MED13: variants seen among roughly 807,000 people sequenced by gnomAD.
MED13 encodes the protein mediator complex subunit 13.
MED13 carries 23 observed loss-of-function variants against 225.2 expected under a neutral mutation model. The observed-to-expected ratio is 0.10, with a 90% CI of 0.07 to 0.14. MED13 has a LOEUF of 0.14. MED13 is among the 10% of genes least tolerant of loss of function. The pLI, the probability that MED13 is intolerant of heterozygous loss-of-function variation, is 1.00. For missense variants in MED13, 2,197 were observed against 2,594.5 expected, an observed-to-expected ratio of 0.85 and a Z score of 3.33; for synonymous variants, 942 against 889.2, an observed-to-expected ratio of 1.06 and a Z score of -1.06.
At chr17:61,974,800 A>G (rs772598434) in intron 16 of MED13, among the ~76,000 whole-genome samples, 1 of 152,192 alleles carries the variant, frequency 6.6e-6, no homozygotes, top group Non-Finnish European at 1.5e-5. Context: ...AGATCTAAAT[A>G]TAAGAGCTAA....
chr17:62,048,043 C>CATATACATAT (rs776069700), intron 3 of MED13, among the ~76,000 whole-genome samples: 1,737 of 130,450 alleles, frequency 0.013, 15 homozygotes, highest in Non-Finnish European at 0.019. Context: ...TATACATATA[C>CATATACATAT]ATATATATAT....
In MED13 at chr17:61,984,281, T is replaced by G; in HGVS notation, c.2778A>C (p.Gln926His). The change falls in exon 15 of 30, where the codon CAA (glutamine) becomes CAC (histidine). Residue 926 changes from glutamine (Q) to histidine (H), a missense_variant. Physicochemically the swap from Gln to His is conservative, Grantham distance 24. Around this residue, in one of 12 missense-constraint regions of MED13, gnomAD observed 160 missense variants for 184.8 expected, o/e 0.87. Coordinates refer to ENST00000397786, the MANE Select transcript of MED13 (RefSeq NM_005121.3). The stretch of plus-strand genomic sequence containing the variant: ...CTGGCAATTTGATAGGGGGCAGATA[T>G]TGGCTTGGTAGAGTTTTTAGAGGTG... ...MFAPLKTLPS[Q>H]YLPPIKLPEE... The G allele has an allele frequency of 6.2e-7, 1 of 1,611,992 alleles. No individual in the cohort carries two copies. The highest frequency in any genetic ancestry group is 8.5e-7 in the Non-Finnish European group (1 of 1,179,158).
intron 8 of MED13, among the ~76,000 whole-genome samples, chr17:62,016,252 C>G (rs1046226504): frequency 4.6e-5 from 7 of 151,028 alleles, no homozygotes; most frequent in Non-Finnish European, 8.8e-5. Context: ...ATGCTGTTGC[C>G]CAGGCTGGAA....
At chr17:62,001,367 T>C (rs2080393183) in intron 9 of MED13, among the ~76,000 whole-genome samples, 1 of 152,180 alleles carries the variant, frequency 6.6e-6, no homozygotes, top group Non-Finnish European at 1.5e-5. Flanking sequence ...TCACATCACT[T>C]TCTATATGAG....
chr17:62,024,313 T>C (rs2080678779), intron 8 of MED13, among the ~76,000 whole-genome samples: 1 of 152,218 alleles, frequency 6.6e-6, no homozygotes, highest in Non-Finnish European at 1.5e-5. Flanking sequence ...CCACTGCGCC[T>C]GGACAAGAGA....
intron 2 of MED13, among the ~76,000 whole-genome samples, chr17:62,054,315 C>CA (rs907710694): frequency 7.0e-5 from 10 of 142,036 alleles, no homozygotes; most frequent in Admixed American, 1.4e-4. Context: ...AACAAACAAA[C>CA]AAAAAAAAAG....
intron 16 of MED13, among the ~76,000 whole-genome samples, chr17:61,975,800 G>A (rs1407230609): frequency 6.6e-6 from 1 of 152,222 alleles, no homozygotes; most frequent in Non-Finnish European, 1.5e-5. Context: ...CAGGTCACCT[G>A]AGGTCAGGAG....
At chr17:62,065,011 G>GGGCGCC (rs1568012057) in intron 1 of MED13, 129 bp downstream of exon 1, 1 of 739,856 alleles carries the variant, frequency 1.4e-6, no homozygotes, top group Non-Finnish European at 2.0e-6. Flanking sequence ...GAGCTTCGCA[G>GGGCGCC]GGCGCCGGCT....
At chr17:61,991,733 C>T (rs1323975509) in intron 11 of MED13, among the ~76,000 whole-genome samples, 1 of 152,174 alleles carries the variant, frequency 6.6e-6, no homozygotes, top group African/African-American at 2.4e-5. Context: ...TGGTCTCAAT[C>T]TCTTGACCTC....
intron 8 of MED13, among the ~76,000 whole-genome samples, chr17:62,014,634 T>C (rs1343466796): frequency 6.6e-6 from 1 of 152,004 alleles, no homozygotes; most frequent in African/African-American, 2.4e-5. Context: ...GGCTCTTGAG[T>C]ACTTGAATTG....
chr17:61,965,348 G>A lies in MED13; in HGVS notation c.4502C>T (p.Thr1501Ile), dbSNP rs921686499. The A allele has an allele frequency of 2.5e-6, 4 of 1,614,080 alleles. No homozygotes were observed. The highest frequency in any genetic ancestry group is 2.5e-6 in the Non-Finnish European group (3 of 1,180,022). The part of the protein sequence containing the change: ...PQMTNTGNAN[T>I]PSATLASAAS... ...TGCAGATGCTAAGGTGGCAGATGGA[G>A]TATTAGCATTTCCAGTATTTGTCAT... The change falls in exon 20 of 30, where the codon ACT (threonine) becomes ATT (isoleucine). Residue 1501 changes from threonine (T) to isoleucine (I), a missense_variant. Coordinates refer to ENST00000397786, the MANE Select transcript of MED13 (RefSeq NM_005121.3).
At chr17:62,042,859 G>T (rs534179795) in intron 3 of MED13, among the ~76,000 whole-genome samples, 13 of 150,326 alleles carry the variant, frequency 8.6e-5, no homozygotes, top group African/African-American at 2.9e-4. Flanking sequence ...AAGAAATTAC[G>T]GTAAGAAAGG....
intron 9 of MED13, among the ~76,000 whole-genome samples, chr17:61,997,686 T>C (rs2080357990): frequency 6.6e-6 from 1 of 152,184 alleles, no homozygotes; most frequent in African/African-American, 2.4e-5. Flanking sequence ...AGATTTTAAG[T>C]ATTTATATTC....
At chr17:62,048,657 C>T (rs1251374013) in intron 3 of MED13, among the ~76,000 whole-genome samples, 1 of 152,108 alleles carries the variant, frequency 6.6e-6, no homozygotes, top group Non-Finnish European at 1.5e-5. Context: ...AATAGGTTCA[C>T]TAAACACTGG....
At position 61,942,908 on chromosome 17, in the gene MED13, TTAAACTCAA is replaced by T. The variant is rs2079825585; in HGVS notation, c.*3551_*3559del. 6.6e-6 allele frequency: 1 copy of T among 152,566 alleles called. No individual in the cohort carries two copies. Among genetic ancestry groups the T allele is most frequent in the South Asian group, 2.1e-4 (1 of 4,832 alleles). 9.5% of individuals were successfully genotyped at this position (152,566 alleles called of 1,614,324 possible). A position where few individuals can be genotyped will look rare whatever the true frequency, so the allele number is the denominator to read the frequency against. On this transcript the variant is annotated 3_prime_UTR_variant, in exon 30 of 30. Transcript: ENST00000397786. ...CAGTAATGACGTTACAATTTGTAGCTTAAACTCAATAACTTTAAGGTCCACATATCCAGT... is the reference window on the plus strand; with the variant it reads ...CAGTAATGACGTTACAATTTGTAGCTTAACTTTAAGGTCCACATATCCAGT...
At position 62,010,834 on chromosome 17, in the gene MED13, A is replaced by G. The variant is rs2080500855; in HGVS notation, c.1683T>C (p.Tyr561=). 6.2e-7 allele frequency: 1 copy of G among 1,614,108 alleles called. No homozygotes were observed. The highest frequency in any genetic ancestry group is 1.3e-5 in the African/African-American group (1 of 74,932). The change falls in exon 9 of 30, where the codon TAT becomes TAC. Residue 561 remains tyrosine (Y), a synonymous_variant. Coordinates refer to ENST00000397786, the MANE Select transcript of MED13 (RefSeq NM_005121.3). Reference sequence around the variant, plus strand: ...CCAAGGGATCTGGTGTTGGCATTTGATAAAAATGTTGACTCTGAGGAGTTG... The same window carrying G: ...CCAAGGGATCTGGTGTTGGCATTTGGTAAAAATGTTGACTCTGAGGAGTTG... The part of the protein sequence containing the change: ...TPSTPQSQHF[Y]QMPTPDPLVP...
intron 26 of MED13, among the ~76,000 whole-genome samples, chr17:61,954,961 T>A (rs1477321274): frequency 1.3e-5 from 2 of 152,144 alleles, no homozygotes; most frequent in Admixed American, 1.3e-4. Flanking sequence ...AAGTCTGAAA[T>A]CAGTTTCGTT....
chr17:61,957,427 G>A (rs2079956604), intron 23 of MED13, among the ~76,000 whole-genome samples: 1 of 151,732 alleles, frequency 6.6e-6, no homozygotes, highest in Non-Finnish European at 1.5e-5. Context: ...TCTGCTCACT[G>A]CAACCTCCGC....
intron 3 of MED13, among the ~76,000 whole-genome samples, chr17:62,041,578 C>CTT (rs879850849): frequency 1.4e-5 from 2 of 146,866 alleles, no homozygotes; most frequent in African/African-American, 5.0e-5. Flanking sequence ...CTGTAGTCAT[C>CTT]TTTTTTTTTT....
Sources: gnomAD v4.1 joint callset for allele counts (sites outside exome capture counted in the v4.1 genomes callset) on GRCh38, gnomAD v4.1.1 for gene constraint, gnomAD v4.1.1 regional missense constraint, MANE v1.5 for transcripts, NCBI Gene and HGNC (gene_info 2026-07-23, HGNC 2026-07-21) for gene names.